Variants in RAD51B observed in about 807,000 individuals in gnomAD.
RAD51B encodes DNA repair protein RAD51 homolog 2.
In RAD51B, 38 loss-of-function variants were observed where a neutral mutation model predicts 42.2. That is an observed-to-expected ratio of 0.90 (90% CI 0.70 to 1.18). The LOEUF is 1.18. Among genes scored for constraint, RAD51B ranks in the 50% most tolerant of loss-of-function variants. The pLI, the probability that RAD51B is intolerant of heterozygous loss-of-function variation, is 0.00. For missense variants in RAD51B, 373 were observed against 400.7 expected (o/e 0.93, Z 0.59); for synonymous variants, 154 against 145.2 (o/e 1.06, Z -0.43).
chr14:67,888,996 G>T (rs955086578), intron 7 of RAD51B, among the ~76,000 whole-genome samples: 2 of 152,072 alleles, frequency 1.3e-5, no homozygotes, highest in African/African-American at 4.8e-5. Context: ...GTAACTGTAG[G>T]CTAATGCTTT....
At chr14:67,990,960 A>G (rs1037513304) in intron 7 of RAD51B, among the ~76,000 whole-genome samples, 1 of 152,210 alleles carries the variant, frequency 6.6e-6, no homozygotes, top group Non-Finnish European at 1.5e-5. Context: ...ACTCGAAACC[A>G]TTTCAGAGTA....
chr14:68,101,395 C>A (rs1051956854), intron 7 of RAD51B, among the ~76,000 whole-genome samples: 1 of 152,236 alleles, frequency 6.6e-6, no homozygotes, highest in Admixed American at 6.5e-5. Flanking sequence ...TAAGTCCCTT[C>A]TGCCTAAGCC....
In RAD51B at chr14:68,439,904, G is replaced by A. The variant is rs117559654; in HGVS notation, c.958-28268G>A. On this transcript the variant is annotated intron_variant, in intron 9 of 10. Coordinates refer to ENST00000471583, the MANE Select transcript of RAD51B (RefSeq NM_133510.4). ...AAACCCTGCCCCTCCCCTGTTGAAA[G>A]CATGGCAGGCTCCCACCCTTTAATT... Among the ~76,000 whole-genome samples the A allele has an allele frequency of 2.6e-5, 4 of 152,290 alleles. No individual in the cohort carries two copies. The East Asian group carries it at 7.7e-4, about 29-fold the overall frequency.
intron 2 of RAD51B, 40 bp downstream of exon 2, chr14:67,823,667 A>C: frequency 1.3e-6 from 2 of 1,494,292 alleles, no homozygotes; most frequent in Non-Finnish European, 1.9e-6. Context: ...AGTTTTATGC[A>C]CAAGTTAACT....
At chr14:68,251,982 G>T (rs905747027) in intron 7 of RAD51B, among the ~76,000 whole-genome samples, 1 of 152,224 alleles carries the variant, frequency 6.6e-6, no homozygotes, top group Admixed American at 6.5e-5. Context: ...GTAAGGTGCA[G>T]GAAGGAACTA....
intron 7 of RAD51B, among the ~76,000 whole-genome samples, chr14:68,007,317 A>G (rs544971769): frequency 3.3e-5 from 5 of 152,094 alleles, no homozygotes; most frequent in Non-Finnish European, 5.9e-5. Context: ...TAGTGCTGCT[A>G]TGAATACTTG....
At chr14:68,539,465 C>A (rs1249379352) in intron 10 of RAD51B, among the ~76,000 whole-genome samples, 3 of 152,210 alleles carry the variant, frequency 2.0e-5, no homozygotes, top group Admixed American at 2.0e-4. Flanking sequence ...ACGTTAACCT[C>A]CAGGGGCATT....
At chr14:67,902,856 CT>C (rs111245258) in intron 7 of RAD51B, among the ~76,000 whole-genome samples, 7 of 148,984 alleles carry the variant, frequency 4.7e-5, no homozygotes, top group Admixed American at 1.3e-4. Context: ...GAGAAAACTT[CT>C]TTTTTTTTTG....
At chr14:68,003,457 A>T (rs2075523448) in intron 7 of RAD51B, among the ~76,000 whole-genome samples, 1 of 152,162 alleles carries the variant, frequency 6.6e-6, no homozygotes, top group African/African-American at 2.4e-5. Flanking sequence ...GGATCATGCC[A>T]TTTGCAAACA....
At chr14:68,383,108 C>T (rs1051216121) in intron 8 of RAD51B, among the ~76,000 whole-genome samples, 3 of 152,170 alleles carry the variant, frequency 2.0e-5, no homozygotes, top group Admixed American at 6.5e-5. Context: ...TGTAATTTGG[C>T]ACAAATTTCC....
At chr14:68,098,146 A>G (rs1357993085) in intron 7 of RAD51B, among the ~76,000 whole-genome samples, 1 of 152,226 alleles carries the variant, frequency 6.6e-6, no homozygotes, top group Non-Finnish European at 1.5e-5. Context: ...TAATCAACAC[A>G]GGTTCTTTAT....
chr14:68,604,122 C>G (rs934229059), intron 10 of RAD51B, among the ~76,000 whole-genome samples: 1 of 152,242 alleles, frequency 6.6e-6, no homozygotes, highest in Non-Finnish European at 1.5e-5. Context: ...GAAGCGCAGA[C>G]GTCTCCTGGC....
intron 10 of RAD51B, among the ~76,000 whole-genome samples, chr14:68,564,511 G>A (rs1046953938): frequency 1.3e-5 from 2 of 152,330 alleles, no homozygotes; most frequent in South Asian, 2.1e-4. Flanking sequence ...AGAGGAAGCC[G>A]AGTGCAGGCC....
At chr14:67,883,757 A>G (rs902462931) in intron 5 of RAD51B, among the ~76,000 whole-genome samples, 1 of 152,110 alleles carries the variant, frequency 6.6e-6, no homozygotes, top group South Asian at 2.1e-4. Flanking sequence ...TTTAAACCCT[A>G]TGAGGTAAGG....
chr14:68,678,722 C>A (rs1595060474), intron 11 of RAD51B, among the ~76,000 whole-genome samples: 1 of 152,126 alleles, frequency 6.6e-6, no homozygotes, highest in Admixed American at 6.6e-5. Flanking sequence ...GGTCTCCAAG[C>A]CTTCTCATTT....
At chr14:68,660,000 G>A (rs1892900226) in intron 11 of RAD51B, among the ~76,000 whole-genome samples, 1 of 152,230 alleles carries the variant, frequency 6.6e-6, no homozygotes, top group Admixed American at 6.5e-5. Flanking sequence ...TGAGTTCACT[G>A]TTCTGTGAGA....
At chr14:68,679,166 C>T (rs986978320) in intron 11 of RAD51B, among the ~76,000 whole-genome samples, 1 of 152,160 alleles carries the variant, frequency 6.6e-6, no homozygotes, top group Non-Finnish European at 1.5e-5. Context: ...AAAGGCTTCC[C>T]GAGCACCAGG....
chr14:68,249,861 T>C (rs559668875), intron 7 of RAD51B, among the ~76,000 whole-genome samples: 2 of 152,346 alleles, frequency 1.3e-5, no homozygotes, highest in Admixed American at 1.3e-4. Context: ...ACTACATGAC[T>C]TTTGAAAATA....
In RAD51B at chr14:68,072,148, T is replaced by A. The variant is rs1041127340; in HGVS notation, c.756+184944T>A. Among the ~76,000 whole-genome samples the A allele has an allele frequency of 5.0e-3, 674 of 133,754 alleles. 13 individuals carry two copies. Among genetic ancestry groups the A allele is most frequent in the African/African-American group, 0.019 (642 of 34,528 alleles). The allele number at this position is 133,754 out of a possible 152,430, so 87.7% of individuals were successfully genotyped here. On this transcript the variant is annotated intron_variant, in intron 7 of 10. Coordinates refer to ENST00000471583, the MANE Select transcript of RAD51B (RefSeq NM_133510.4). Reference sequence around the variant, plus strand: ...ATATATATATAATTATATATATATTTTATATATATTTTTTTCTAGGTTTTA... The same window carrying A: ...ATATATATATAATTATATATATATTATATATATATTTTTTTCTAGGTTTTA...
Sources: allele counts gnomAD v4.1 joint callset (sites outside exome capture counted in the v4.1 genomes callset), GRCh38; gene constraint gnomAD v4.1.1; transcripts MANE v1.5; gene names NCBI Gene and HGNC (gene_info 2026-07-23, HGNC 2026-07-21).